AGTPBP1: variants seen among roughly 807,000 people sequenced by gnomAD.
The protein encoded by AGTPBP1 is cytosolic carboxypeptidase 1.
In AGTPBP1, 70 loss-of-function variants were observed where a neutral mutation model predicts 143.9. The ratio of observed to expected loss-of-function variants is 0.49; its 90% CI spans 0.40 to 0.59. AGTPBP1 has a LOEUF of 0.59. AGTPBP1 is among the 20% of genes least tolerant of loss of function. AGTPBP1 has a pLI of 0.00. For missense variants in AGTPBP1, 1,229 were observed against 1,464.5 expected (o/e 0.84, Z 2.62); for synonymous variants, 463 against 500.2 (o/e 0.93, Z 0.99).
At chr9:85,710,809 G>A (rs1837316846) in intron 2 of AGTPBP1, among the ~76,000 whole-genome samples, 1 of 152,074 alleles carries the variant, frequency 6.6e-6, no homozygotes, top group African/African-American at 2.4e-5. Flanking sequence ...TATGAACAAT[G>A]ATCTAGTAAT....
At chr9:85,705,329 T>C (rs1476523017) in intron 2 of AGTPBP1, among the ~76,000 whole-genome samples, 1 of 151,040 alleles carries the variant, frequency 6.6e-6, no homozygotes, top group Non-Finnish European at 1.5e-5. Context: ...AGACAGGCTA[T>C]ACACAGAAGA....
At position 85,741,842 on chromosome 9, in the gene AGTPBP1, G is replaced by A. The variant is rs1427312232; in HGVS notation, c.-101C>T. On this transcript the variant is annotated 5_prime_UTR_variant, in exon 1 of 26. Coordinates refer to ENST00000357081, the MANE Select transcript of AGTPBP1 (RefSeq NM_001330701.2). ...GCACCCGGCTCAGCACCTGGATCAC[G>A]GCGGATCCCTCGCCGCCCGCCGCCC... 2 of 1,403,194 alleles carry A rather than the reference G, an allele frequency of 1.4e-6. No individual in the cohort carries two copies. The highest frequency in any genetic ancestry group is 1.5e-5 in the South Asian group (1 of 67,030). 86.9% of individuals were successfully genotyped at this position (1,403,194 alleles called of 1,614,324 possible).
At chr9:85,583,106 G>C (rs1276326865) in intron 23 of AGTPBP1, among the ~76,000 whole-genome samples, 1 of 152,154 alleles carries the variant, frequency 6.6e-6, no homozygotes, top group Admixed American at 6.5e-5. Flanking sequence ...CATGATGCAA[G>C]GAACACAGAC....
intron 13 of AGTPBP1, among the ~76,000 whole-genome samples, chr9:85,634,832 A>G (rs1831930533): frequency 6.6e-6 from 1 of 152,174 alleles, no homozygotes; most frequent in South Asian, 2.1e-4. Context: ...TAATAATGCA[A>G]ACTGGCCAGA....
intron 4 of AGTPBP1, among the ~76,000 whole-genome samples, chr9:85,679,302 A>T (rs1262130398): frequency 6.6e-6 from 1 of 152,190 alleles, no homozygotes; most frequent in African/African-American, 2.4e-5. Flanking sequence ...GTAATGCTCA[A>T]TCTCAAGTGA....
At chr9:85,615,545 GT>G in intron 17 of AGTPBP1, among the ~76,000 whole-genome samples, 1 of 151,974 alleles carries the variant, frequency 6.6e-6, no homozygotes, top group East Asian at 1.9e-4. Context: ...TTATTGTACA[GT>G]TTTAAAAAAA....
At position 85,681,153 on chromosome 9, in the gene AGTPBP1, A is replaced by G. The variant is rs1229327868; in HGVS notation, c.225+115T>C. The G allele has an allele frequency of 1.8e-5, 16 of 875,034 alleles. No individual in the cohort carries two copies. In the South Asian group the frequency reaches 2.5e-4, roughly 13 times the overall value. The allele number at this position is 875,034 out of a possible 1,614,324, so 54.2% of individuals were successfully genotyped here. On this transcript the variant is annotated intron_variant, in intron 4 of 25. Coordinates refer to ENST00000357081, the MANE Select transcript of AGTPBP1 (RefSeq NM_001330701.2). ...AATTATTACATATACGTGTGTGTGT[A>G]TATATGTACGTGTGTATGTGTTTCT...
intron 8 of AGTPBP1, among the ~76,000 whole-genome samples, chr9:85,669,279 C>G (rs962932185): frequency 6.6e-6 from 1 of 151,590 alleles, no homozygotes; most frequent in African/African-American, 2.4e-5. Context: ...TCAATGAAGT[C>G]AAAACTGTCC....
At chr9:85,682,553 A>G (rs1439958046) in intron 3 of AGTPBP1, among the ~76,000 whole-genome samples, 2 of 152,248 alleles carry the variant, frequency 1.3e-5, no homozygotes, top group Non-Finnish European at 2.9e-5. Context: ...AATGCCAGAA[A>G]TTATTCTAAT....
Position 85,633,573 on chromosome 9 carries a change from T to C in AGTPBP1, c.1303-199A>G, listed in dbSNP as rs554013573. 1.6e-3 allele frequency among the ~76,000 whole-genome samples: 240 copies of C among 152,316 alleles called. 1 individual carries two copies. Among genetic ancestry groups the C allele is most frequent in the African/African-American group, 4.9e-3 (203 of 41,580 alleles). ...TTCATAACAACTACTTTACTTTGCC[T>C]ACATGTCACAGAAATGTGGGAAATC... On this transcript the variant is annotated intron_variant, in intron 13 of 25. Coordinates refer to ENST00000357081, the MANE Select transcript of AGTPBP1 (RefSeq NM_001330701.2).
chr9:85,593,075 T>C (rs1223612238), intron 18 of AGTPBP1, among the ~76,000 whole-genome samples: 3 of 152,164 alleles, frequency 2.0e-5, no homozygotes, highest in Non-Finnish European at 4.4e-5. Context: ...TGGATCAGGC[T>C]ACAAGACCTG....
intron 7 of AGTPBP1, among the ~76,000 whole-genome samples, chr9:85,671,487 TTAAAG>T (rs1037491483): frequency 2.2e-4 from 33 of 152,160 alleles, no homozygotes; most frequent in Non-Finnish European, 2.4e-4. Context: ...TAGCCATATT[TTAAAG>T]GTACTGATAT....
chr9:85,761,098 A>G, the AGTPBP1 span, among the ~76,000 whole-genome samples: 3 of 152,244 alleles, frequency 2.0e-5, no homozygotes, highest in African/African-American at 7.2e-5. Flanking sequence ...GGAGAACTAC[A>G]GACCACTGCT....
In AGTPBP1 at chr9:85,721,187, T is replaced by A. The variant is rs771367542; in HGVS notation, c.-33-8621A>T. ...TCTGTAGATGTCTATTAGGTCCACT[T>A]GGTCCAGAGCTGAGTTCAAGTCCTG... On this transcript the variant is annotated intron_variant, in intron 1 of 25. Transcript: ENST00000357081. Among the ~76,000 whole-genome samples the A allele has an allele frequency of 1.5e-4, 23 of 152,358 alleles. 1 individual carries two copies. The highest frequency in any genetic ancestry group is 2.9e-4 in the Non-Finnish European group (20 of 68,032).
chr9:85,708,447 C>A (rs1453189592), intron 2 of AGTPBP1, among the ~76,000 whole-genome samples: 1 of 152,214 alleles, frequency 6.6e-6, no homozygotes, highest in East Asian at 1.9e-4. Context: ...CTACCATAGA[C>A]ACAAATTACC....
the AGTPBP1 span, among the ~76,000 whole-genome samples, chr9:85,799,805 A>T: frequency 6.6e-6 from 1 of 152,312 alleles, no homozygotes; most frequent in South Asian, 2.1e-4. Context: ...GGTGTTAGCC[A>T]GTGCGCCCAG....
At chr9:85,719,135 T>C (rs772625669) in intron 1 of AGTPBP1, among the ~76,000 whole-genome samples, 37 of 152,234 alleles carry the variant, frequency 2.4e-4, no homozygotes, top group Admixed American at 1.5e-3. Flanking sequence ...TGGCTTAGGA[T>C]TGTCTTGGCT....
At chr9:85,699,330 G>A (rs1356971687) in intron 2 of AGTPBP1, among the ~76,000 whole-genome samples, 1 of 151,918 alleles carries the variant, frequency 6.6e-6, no homozygotes, top group Non-Finnish European at 1.5e-5. Flanking sequence ...TTGTTTCATT[G>A]TATTGGTCTC....
chr9:85,744,474 A>G (rs1467418206), upstream of AGTPBP1, among the ~76,000 whole-genome samples: 1 of 152,232 alleles, frequency 6.6e-6, no homozygotes, highest in East Asian at 1.9e-4. Flanking sequence ...GCTCAGCTAG[A>G]TCCAGGTTCT....
Sources: gnomAD v4.1 joint callset for allele counts (sites outside exome capture counted in the v4.1 genomes callset) on GRCh38, gnomAD v4.1.1 for gene constraint, MANE v1.5 for transcripts, NCBI Gene and HGNC (gene_info 2026-07-23, HGNC 2026-07-21) for gene names.